IL1RAPL1: variants seen among roughly 807,000 people sequenced by gnomAD.
The protein encoded by IL1RAPL1 is interleukin 1 receptor accessory protein like 1.
IL1RAPL1 carries 3 observed loss-of-function variants against 48.4 expected under a neutral mutation model. The ratio of observed to expected loss-of-function variants is 0.06; its 90% confidence interval spans 0.03 to 0.16. The LOEUF is 0.16. Among genes scored for constraint, IL1RAPL1 ranks in the 10% least tolerant of loss-of-function variants. The pLI, the probability that IL1RAPL1 is intolerant of heterozygous loss-of-function variation, is 1.00. For missense variants in IL1RAPL1, 349 were observed against 530.6 expected (o/e 0.66, Z 3.36); for synonymous variants, 185 against 187.7 (o/e 0.99, Z 0.12).
At chrX:28,673,504 A>G (rs1184638909) in intron 1 of IL1RAPL1, among the ~76,000 whole-genome samples, 1 of 112,223 alleles carries the variant, frequency 8.9e-6, no homozygotes, top group Non-Finnish European at 1.9e-5. Flanking sequence ...ATGGGATCTA[A>G]TTAAACTAAA....
intron 2 of IL1RAPL1, among the ~76,000 whole-genome samples, chrX:28,910,223 C>T (rs916335050): frequency 9.0e-6 from 1 of 111,049 alleles, no homozygotes; most frequent in Non-Finnish European, 1.9e-5. Context: ...CCCCAAACTT[C>T]AAGGGATTTT....
intron 5 of IL1RAPL1, among the ~76,000 whole-genome samples, chrX:29,523,296 G>A (rs764909465): frequency 1.8e-5 from 2 of 111,187 alleles, no homozygotes; most frequent in South Asian, 7.5e-4. Flanking sequence ...CATTCTTAAT[G>A]TGCAATCTGA....
chrX:29,764,444 A>G (rs1338650760), intron 6 of IL1RAPL1, among the ~76,000 whole-genome samples: 1 of 111,917 alleles, frequency 8.9e-6, no homozygotes, highest in African/African-American at 3.2e-5. Context: ...CTGGGTTGCA[A>G]TAGGTTGCAA....
chrX:29,392,084 G>T (rs1439722846), intron 3 of IL1RAPL1, among the ~76,000 whole-genome samples: 1 of 111,557 alleles, frequency 9.0e-6, no homozygotes, highest in East Asian at 2.8e-4. Flanking sequence ...CACTAGAAAG[G>T]ATAGTGGGGT....
chrX:28,873,212 G>C (rs1002224011), intron 2 of IL1RAPL1, among the ~76,000 whole-genome samples: 12 of 102,970 alleles, frequency 1.2e-4, no homozygotes, highest in African/African-American at 1.8e-4. Flanking sequence ...CCGGGTTCAA[G>C]CGATTCTCGT....
intron 5 of IL1RAPL1, among the ~76,000 whole-genome samples, chrX:29,498,711 A>T (rs1217957794): frequency 9.0e-6 from 1 of 111,607 alleles, no homozygotes; most frequent in Non-Finnish European, 1.9e-5. Flanking sequence ...TATTATTTGT[A>T]CTGATTAACA....
intron 2 of IL1RAPL1, among the ~76,000 whole-genome samples, chrX:29,263,185 G>T (rs1477262649): frequency 8.9e-6 from 1 of 111,782 alleles, no homozygotes; most frequent in East Asian, 2.8e-4. Context: ...CTATTAGAGA[G>T]TGAGTTCACT....
chrX:28,640,506 C>G (rs755721133), intron 1 of IL1RAPL1, among the ~76,000 whole-genome samples: 3 of 108,913 alleles, frequency 2.8e-5, no homozygotes, highest in Non-Finnish European at 5.7e-5. Context: ...CCACCACACC[C>G]GGCTAATTTT....
chrX:28,753,851 AT>A (rs1936073166), intron 1 of IL1RAPL1, among the ~76,000 whole-genome samples: 1 of 108,121 alleles, frequency 9.2e-6, no homozygotes, highest in Non-Finnish European at 1.9e-5. Flanking sequence ...TATCTTTTGT[AT>A]TTTTTTCTGC....
At chrX:29,152,190 T>C (rs1262419373) in intron 2 of IL1RAPL1, among the ~76,000 whole-genome samples, 2 of 110,951 alleles carry the variant, frequency 1.8e-5, no homozygotes, top group East Asian at 5.7e-4. Context: ...ACTTATTCAC[T>C]ATCATGAGAC....
At chrX:29,730,639 A>G (rs1031984987) in intron 6 of IL1RAPL1, among the ~76,000 whole-genome samples, 11 of 112,353 alleles carry the variant, frequency 9.8e-5, no homozygotes, top group Non-Finnish European at 1.5e-4. Context: ...AAAGAGAATT[A>G]TAGTCTTCAG....
At chrX:29,427,482 T>A (rs1262251801) in intron 5 of IL1RAPL1, among the ~76,000 whole-genome samples, 2 of 111,591 alleles carry the variant, frequency 1.8e-5, no homozygotes, top group Admixed American at 1.9e-4. Context: ...CTAGGGTTTT[T>A]AATGATAATT....
chrX:29,405,398 G>A lies in IL1RAPL1; in HGVS notation c.703+6090G>A, dbSNP rs759755471. The stretch of plus-strand genomic sequence containing the variant: ...TTTATTTTTTTTGAGACAGAGTCTC[G>A]CTCTGTCGCCCAGGCTGGAGTGCAG... On this transcript the variant is annotated intron_variant, in intron 5 of 10. Transcript: ENST00000378993. Among the ~76,000 whole-genome samples the A allele has an allele frequency of 1.7e-4, 16 of 94,600 alleles. 1 individual carries two copies. Among genetic ancestry groups the A allele is most frequent in the Non-Finnish European group, 2.8e-4 (14 of 50,843 alleles). The allele number at this position is 94,600 out of a possible 115,157, so 82.1% of individuals were successfully genotyped here.
chrX:29,236,665 GCA>G (rs1163145463), intron 2 of IL1RAPL1, among the ~76,000 whole-genome samples: 2 of 22,999 alleles, frequency 8.7e-5, no homozygotes, highest in African/African-American at 2.9e-4. Context: ...CCATTCTCCT[GCA>G]TTCTCCTGCC....
chrX:29,182,663 G>A (rs1930169854), intron 2 of IL1RAPL1, among the ~76,000 whole-genome samples: 1 of 109,410 alleles, frequency 9.1e-6, no homozygotes. Context: ...ATTTGGTAAC[G>A]GCCAGCATAT....
chrX:28,791,778 C>T (rs996616344), intron 2 of IL1RAPL1, among the ~76,000 whole-genome samples: 1 of 111,595 alleles, frequency 9.0e-6, no homozygotes, highest in Non-Finnish European at 1.9e-5. Flanking sequence ...ATTAAGTGTG[C>T]ACTTTGGGAA....
intron 1 of IL1RAPL1, among the ~76,000 whole-genome samples, chrX:28,601,359 A>G (rs989256005): frequency 8.9e-6 from 1 of 111,790 alleles, no homozygotes; most frequent in African/African-American, 3.3e-5. Context: ...TGGGAGGCAG[A>G]GGTTGCAGTG....
At chrX:29,868,142 ATTAC>A (rs1931731059) in intron 6 of IL1RAPL1, among the ~76,000 whole-genome samples, 1 of 111,922 alleles carries the variant, frequency 8.9e-6, no homozygotes, top group Non-Finnish European at 1.9e-5. Flanking sequence ...GCATAATCCT[ATTAC>A]TTTTGGCTTG....
chrX:29,257,498 A>T (rs1403442270), intron 2 of IL1RAPL1, among the ~76,000 whole-genome samples: 1 of 111,838 alleles, frequency 8.9e-6, no homozygotes, highest in Non-Finnish European at 1.9e-5. Context: ...AGAAGGTAGG[A>T]AAGATCCTTT....
Sources: gnomAD v4.1 joint callset for allele counts (sites outside exome capture counted in the v4.1 genomes callset) on GRCh38, gnomAD v4.1.1 for gene constraint, MANE v1.5 for transcripts, NCBI Gene and HGNC (gene_info 2026-07-23, HGNC 2026-07-21) for gene names.